SNX29: variants seen among roughly 807,000 people sequenced by gnomAD.
SNX29 encodes the protein sorting nexin-29.
In SNX29, 78 loss-of-function variants were observed where a neutral mutation model predicts 102.1. The ratio of observed to expected loss-of-function variants is 0.76; its 90% CI spans 0.64 to 0.92. SNX29 has a LOEUF of 0.92. Ranked by LOEUF, SNX29 falls within the 40% of genes least tolerant of loss-of-function variation. The pLI is 0.00. For missense variants in SNX29, 1,280 were observed against 1,061.7 expected (o/e 1.21, Z -2.86); for synonymous variants, 580 against 414.5 (o/e 1.40, Z -4.85).
chr16:12,130,498 A>T (rs1348178788), intron 13 of SNX29, among the ~76,000 whole-genome samples: 2 of 150,594 alleles, frequency 1.3e-5, no homozygotes, highest in Non-Finnish European at 3.0e-5. Context: ...AAAAAAAAAA[A>T]GATAGCGACT....
At chr16:12,549,752 G>C (rs935922597) in intron 20 of SNX29, among the ~76,000 whole-genome samples, 1 of 152,228 alleles carries the variant, frequency 6.6e-6, no homozygotes, top group Non-Finnish European at 1.5e-5. Flanking sequence ...TTTACTTTGA[G>C]ACCTGTTGGT....
chr16:12,563,819 A>G (rs2078867867), intron 20 of SNX29, among the ~76,000 whole-genome samples: 1 of 152,072 alleles, frequency 6.6e-6, no homozygotes, highest in African/African-American at 2.4e-5. Context: ...GCTGCTTTTT[A>G]TTTATTCAGG....
intron 4 of SNX29, among the ~76,000 whole-genome samples, chr16:12,033,046 G>A (rs1256558492): frequency 1.3e-5 from 2 of 151,826 alleles, no homozygotes; most frequent in Non-Finnish European, 2.9e-5. Flanking sequence ...GTAGAGGCAG[G>A]GTTTCACCAC....
intron 4 of SNX29, among the ~76,000 whole-genome samples, chr16:12,031,023 G>A (rs542512876): frequency 1.3e-5 from 2 of 152,006 alleles, no homozygotes; most frequent in Non-Finnish European, 2.9e-5. Flanking sequence ...CTTCAGTGCC[G>A]CTGCCTGTGC....
rs536337101 is a variant in SNX29, at chr16:11,992,517, C to G, written c.8-6780C>G. ...CCCCTGGCAACCACCTGTCTGCCTT[C>G]TGTCTCTATGAATTTACCTGTTCTG... On this transcript the variant is annotated intron_variant, in intron 1 of 20. Transcript: ENST00000566228. 6.6e-5 allele frequency among the ~76,000 whole-genome samples: 10 copies of G among 151,280 alleles called. No individual in the cohort carries two copies. In the South Asian group the frequency reaches 2.1e-3, roughly 32 times the overall value.
At chr16:12,130,380 C>A (rs2054408873) in intron 13 of SNX29, among the ~76,000 whole-genome samples, 1 of 140,434 alleles carries the variant, frequency 7.1e-6, no homozygotes, top group Admixed American at 8.0e-5. Context: ...GAGGCTGAGG[C>A]AGGAGAATGG....
intron 11 of SNX29, among the ~76,000 whole-genome samples, chr16:12,122,949 C>G (rs2054041228): frequency 6.6e-6 from 1 of 152,236 alleles, no homozygotes; most frequent in South Asian, 2.1e-4. Context: ...GCCTCAGCCT[C>G]CCAAGTAGCT....
At chr16:12,277,817 T>G in intron 14 of SNX29, 116 bp from the exon 15 acceptor site, 1 of 788,302 alleles carries the variant, frequency 1.3e-6, no homozygotes, top group Non-Finnish European at 2.1e-6. Context: ...TGTGTTTTTC[T>G]TGAGAGCTTT....
chr16:12,512,016 A>T (rs2089642921), intron 19 of SNX29, among the ~76,000 whole-genome samples: 1 of 151,874 alleles, frequency 6.6e-6, no homozygotes, highest in African/African-American at 2.4e-5. Context: ...CTGAAGATGG[A>T]TACAGCCGTG....
chr16:12,554,554 TCAA>T (rs916491855), intron 20 of SNX29, among the ~76,000 whole-genome samples: 8 of 152,318 alleles, frequency 5.3e-5, no homozygotes, highest in African/African-American at 1.9e-4. Flanking sequence ...GTGAACTTGT[TCAA>T]CAATTTCTTA....
At chr16:12,051,151 A>G (rs2050282073) in intron 7 of SNX29, among the ~76,000 whole-genome samples, 1 of 152,156 alleles carries the variant, frequency 6.6e-6, no homozygotes, top group Admixed American at 6.5e-5. Flanking sequence ...CAGCACAGCA[A>G]GACCTCATCT....
At chr16:12,072,151 C>T (rs1238666508) in intron 10 of SNX29, among the ~76,000 whole-genome samples, 1 of 152,106 alleles carries the variant, frequency 6.6e-6, no homozygotes, top group Non-Finnish European at 1.5e-5. Context: ...TAACTGAATA[C>T]CCTTTATTTC....
intron 3 of SNX29, among the ~76,000 whole-genome samples, chr16:12,006,447 C>T (rs924366261): frequency 1.2e-4 from 17 of 144,564 alleles, no homozygotes; most frequent in African/African-American, 3.9e-4. Context: ...ACCCAGGAGG[C>T]GGAGGTTTTG....
chr16:12,054,532 TTC>T (rs2050440760), intron 8 of SNX29, among the ~76,000 whole-genome samples: 1 of 152,224 alleles, frequency 6.6e-6, no homozygotes, highest in East Asian at 1.9e-4. Flanking sequence ...CAGGGAGGGA[TTC>T]TTTCCTTTCC....
chr16:12,098,592 T>A lies in SNX29; in HGVS notation c.1402+19677T>A, dbSNP rs1392059177. Among the ~76,000 whole-genome samples the A allele has an allele frequency of 6.6e-6, 1 of 152,236 alleles. No homozygotes were observed. Among genetic ancestry groups the A allele is most frequent in the African/African-American group, 2.4e-5 (1 of 41,462 alleles). ...TTCATGCGCGCCCGATTCAGTTTCATGCTCTTCCGTCTGCCGGGACACCCT... is the reference window on the plus strand; with the variant it reads ...TTCATGCGCGCCCGATTCAGTTTCAAGCTCTTCCGTCTGCCGGGACACCCT... On this transcript the variant is annotated intron_variant, in intron 11 of 20. Coordinates refer to ENST00000566228, the MANE Select transcript of SNX29 (RefSeq NM_032167.5). The surrounding 1 kb of genome is among the most constrained non-coding windows in gnomAD (Gnocchi z 6.0).
intron 16 of SNX29, among the ~76,000 whole-genome samples, chr16:12,391,020 A>G (rs1007120958): frequency 2.0e-5 from 3 of 152,132 alleles, no homozygotes; most frequent in Non-Finnish European, 2.9e-5. Context: ...ATCAGGTCTC[A>G]CTGCAGCCTC....
intron 10 of SNX29, among the ~76,000 whole-genome samples, chr16:12,077,095 A>G (rs975532592): frequency 6.6e-6 from 1 of 152,182 alleles, no homozygotes; most frequent in African/African-American, 2.4e-5. Flanking sequence ...TGGGCAAGTG[A>G]GACCCTGTCT....
intron 13 of SNX29, among the ~76,000 whole-genome samples, chr16:12,159,179 C>T (rs553761996): frequency 2.0e-4 from 31 of 152,356 alleles, no homozygotes; most frequent in African/African-American, 6.7e-4. Context: ...AGGCTGGCAC[C>T]CCTGCAGATG....
chr16:12,041,972 G>T (rs2049897705), intron 4 of SNX29, among the ~76,000 whole-genome samples: 1 of 152,144 alleles, frequency 6.6e-6, no homozygotes, highest in Non-Finnish European at 1.5e-5. Flanking sequence ...TTCTGGATGA[G>T]AGGTTTTAGA....
Sources: allele counts gnomAD v4.1 joint callset (sites outside exome capture counted in the v4.1 genomes callset), GRCh38; gene constraint gnomAD v4.1.1; non-coding constraint Gnocchi (gnomAD v3.1); transcripts MANE v1.5; gene names NCBI Gene and HGNC (gene_info 2026-07-23, HGNC 2026-07-21).